RIC8B: variants seen among roughly 807,000 people sequenced by gnomAD.
RIC8B encodes the protein RIC8 guanine nucleotide exchange factor B.
RIC8B carries 16 observed loss-of-function variants against 57.5 expected under a neutral mutation model. That is an observed-to-expected ratio of 0.28 (90% confidence interval 0.19 to 0.42). The LOEUF is 0.42. RIC8B is among the 10% of genes least tolerant of loss of function. RIC8B has a pLI of 1.00. For missense variants in RIC8B, 481 were observed against 677.0 expected (o/e 0.71, Z 3.21); for synonymous variants, 216 against 250.8 (o/e 0.86, Z 1.31).
intron 7 of RIC8B, among the ~76,000 whole-genome samples, chr12:106,855,256 T>C (rs1566142227): frequency 6.6e-6 from 1 of 152,196 alleles, no homozygotes; most frequent in Non-Finnish European, 1.5e-5. Context: ...GTTGTCTCTT[T>C]AGCTTGAGGT....
chr12:106,817,918 GACAAAAGAC>G (rs2045654827), intron 3 of RIC8B, among the ~76,000 whole-genome samples: 1 of 151,260 alleles, frequency 6.6e-6, no homozygotes, highest in South Asian at 2.1e-4. Context: ...TTGATTGTCC[GACAAAAGAC>G]ACAAAAGACA....
chr12:106,870,680 C>A, intron 8 of RIC8B, 143 bp from the exon 9 acceptor site: 1 of 464,090 alleles, frequency 2.2e-6, no homozygotes, highest in Non-Finnish European at 3.5e-6. Context: ...ATTCCTATAT[C>A]AGTTCTATAC....
chr12:106,846,723 C>CAAAAAAAAAAA (rs35399211), intron 6 of RIC8B, among the ~76,000 whole-genome samples: 1 of 120,540 alleles, frequency 8.3e-6, no homozygotes, highest in Non-Finnish European at 1.8e-5. Flanking sequence ...ACAGAACAGC[C>CAAAAAAAAAAA]AAAAAAAAAA....
Position 106,784,050 on chromosome 12 carries a change from C to T in RIC8B, c.132+6C>T, listed in dbSNP as rs760405446. ...CAGATGAAGATAAAAGAAAGGTAAG[C>T]CTTGGTGTTGCTCTGTGAATGTTTA... On this transcript the variant is annotated splice_donor_region_variant and intron_variant, in intron 2 of 9. Transcript: ENST00000392837. 1 of 1,612,940 alleles carries T rather than the reference C, an allele frequency of 6.2e-7. No individual in the cohort carries two copies. Among genetic ancestry groups the T allele is most frequent in the South Asian group, 1.1e-5 (1 of 90,988 alleles).
At chr12:106,803,214 T>TAAAAAA (rs758690591) in intron 2 of RIC8B, among the ~76,000 whole-genome samples, 10,806 of 83,248 alleles carry the variant, frequency 0.13, 1,208 homozygotes, top group East Asian at 0.3. Flanking sequence ...ATACCCTGTC[T>TAAAAAA]CAAAAAAAAA....
At chr12:106,818,241 A>G (rs919836139) in intron 3 of RIC8B, among the ~76,000 whole-genome samples, 9 of 151,708 alleles carry the variant, frequency 5.9e-5, no homozygotes, top group African/African-American at 2.2e-4. Context: ...ATCTTAGCTC[A>G]CTGCAACCTC....
intron 3 of RIC8B, among the ~76,000 whole-genome samples, chr12:106,817,812 G>A (rs918587427): frequency 4.2e-5 from 5 of 118,096 alleles, no homozygotes; most frequent in African/African-American, 1.4e-4. Flanking sequence ...GAGACAGAGC[G>A]AAACACTGTC....
At chr12:106,799,679 A>G (rs1173271644) in intron 2 of RIC8B, among the ~76,000 whole-genome samples, 2 of 152,210 alleles carry the variant, frequency 1.3e-5, no homozygotes, top group African/African-American at 2.4e-5. Context: ...AGAAAGATCA[A>G]TTTACTCCAG....
intron 3 of RIC8B, among the ~76,000 whole-genome samples, chr12:106,824,594 A>G (rs2046007030): frequency 6.6e-6 from 1 of 152,158 alleles, no homozygotes; most frequent in South Asian, 2.1e-4. Flanking sequence ...CTTGAAATCG[A>G]TGATATATTA....
chr12:106,883,459 G>A (rs562172351), intron 9 of RIC8B, among the ~76,000 whole-genome samples: 1 of 152,190 alleles, frequency 6.6e-6, no homozygotes, highest in Non-Finnish European at 1.5e-5. Context: ...GGCACCTCAA[G>A]CCCTTCAAGT....
At chr12:106,871,199 A>G (rs969681613) in intron 9 of RIC8B, 1 of 279,726 alleles carries the variant, frequency 3.6e-6, no homozygotes, top group East Asian at 6.0e-5. Context: ...TAATTAACCA[A>G]CTAACCTCCC....
intron 9 of RIC8B, among the ~76,000 whole-genome samples, chr12:106,884,397 TGTG>T (rs1951086320): frequency 6.6e-6 from 1 of 152,116 alleles, no homozygotes; most frequent in Non-Finnish European, 1.5e-5. Flanking sequence ...TTAATCCAGA[TGTG>T]GTGGGCTGCA....
chr12:106,792,519 T>A lies in RIC8B; in HGVS notation c.132+8475T>A, dbSNP rs2044302247. On this transcript the variant is annotated intron_variant, in intron 2 of 9. Transcript: ENST00000392837. ...GCTTCCAGCCATGACAGTGTGAAGA[T>A]CTCTACAGATCTGCTCCCTAATGGA... Among the ~76,000 whole-genome samples, 4 of 152,220 alleles carry A rather than the reference T, an allele frequency of 2.6e-5. No homozygotes were observed. In the South Asian group the frequency reaches 8.3e-4, roughly 32 times the overall value.
At chr12:106,821,808 G>A (rs543955002) in intron 3 of RIC8B, among the ~76,000 whole-genome samples, 3 of 151,990 alleles carry the variant, frequency 2.0e-5, no homozygotes, top group African/African-American at 7.2e-5. Flanking sequence ...TTCAGGTGCG[G>A]TGGCTCACGC....
At chr12:106,825,057 T>C (rs1284674692) in intron 3 of RIC8B, among the ~76,000 whole-genome samples, 1 of 152,210 alleles carries the variant, frequency 6.6e-6, no homozygotes, top group Non-Finnish European at 1.5e-5. Context: ...AGAAGAAAGA[T>C]ATGACTTTGA....
chr12:106,795,584 G>A (rs2044443021), intron 2 of RIC8B, among the ~76,000 whole-genome samples: 1 of 152,136 alleles, frequency 6.6e-6, no homozygotes, highest in African/African-American at 2.4e-5. Context: ...TTATGCAAAT[G>A]AACTTTCCCA....
chr12:106,854,954 T>A (rs1213641589), intron 7 of RIC8B, among the ~76,000 whole-genome samples: 2 of 152,190 alleles, frequency 1.3e-5, no homozygotes, highest in Non-Finnish European at 2.9e-5. Context: ...ATTAACTTGT[T>A]CAATTGAGCC....
rs758690591 is a variant in RIC8B at position 106,803,214 on chromosome 12, T to TAAAAAAAAA, written c.133-11482_133-11481insAAAAAAAAA. Among the ~76,000 whole-genome samples the TAAAAAAAAA allele has an allele frequency of 1.1e-3, 93 of 84,238 alleles. 7 individuals carry two copies. The highest frequency in any genetic ancestry group is 1.5e-3 in the African/African-American group (30 of 19,992). The allele number at this position is 84,238 out of a possible 152,430, so 55.3% of individuals were successfully genotyped here. On this transcript the variant is annotated intron_variant, in intron 2 of 9. Transcript: ENST00000392837. ...GTGACAAGAGTGATGATACCCTGTC[T>TAAAAAAAAA]CAAAAAAAAAAAAAAAAAAAAAAAG...
intron 3 of RIC8B, among the ~76,000 whole-genome samples, chr12:106,823,751 C>T (rs1345566161): frequency 6.0e-5 from 9 of 149,308 alleles, no homozygotes; most frequent in African/African-American, 2.2e-4. Context: ...ATGGCATGAT[C>T]TCGGCTCACT....
Sources: gnomAD v4.1 joint callset for allele counts (sites outside exome capture counted in the v4.1 genomes callset) on GRCh38, gnomAD v4.1.1 for gene constraint, MANE v1.5 for transcripts, NCBI Gene and HGNC (gene_info 2026-07-23, HGNC 2026-07-21) for gene names.